The following EPB41L4A variants were observed in gnomAD, a reference collection of about 807,000 sequenced individuals.
The protein encoded by EPB41L4A is band 4.1-like protein 4A.
A neutral mutation model predicts 108.6 loss-of-function variants in EPB41L4A; 100 were observed. That is an observed-to-expected ratio of 0.92 (90% CI 0.78 to 1.09). The LOEUF is 1.09. Ranked by LOEUF, EPB41L4A falls within the 50% of genes least tolerant of loss-of-function variation. EPB41L4A has a pLI of 0.00. For synonymous variants in EPB41L4A, 319 were observed against 289.0 expected (o/e 1.10, Z -1.05); for missense variants, 1,030 against 842.7 (o/e 1.22, Z -2.75).
intron 1 of EPB41L4A, among the ~76,000 whole-genome samples, chr5:112,417,069 T>C (rs927898388): frequency 6.6e-6 from 1 of 152,232 alleles, no homozygotes; most frequent in African/African-American, 2.4e-5. Flanking sequence ...ACAGCCTGCT[T>C]AAATTATTGT....
intron 1 of EPB41L4A, among the ~76,000 whole-genome samples, chr5:112,351,543 G>A (rs1005924024): frequency 1.3e-5 from 2 of 152,144 alleles, no homozygotes; most frequent in African/African-American, 4.8e-5. Flanking sequence ...AGCTTATGAA[G>A]AACAACTAAC....
intron 1 of EPB41L4A, among the ~76,000 whole-genome samples, chr5:112,332,922 C>T (rs1156836331): frequency 6.6e-6 from 1 of 152,078 alleles, no homozygotes; most frequent in Non-Finnish European, 1.5e-5. Flanking sequence ...ACATTAGTGC[C>T]CAAGGTTTGC....
chr5:112,175,029 C>G (rs1417163322), intron 18 of EPB41L4A, among the ~76,000 whole-genome samples: 1 of 152,178 alleles, frequency 6.6e-6, no homozygotes, highest in African/African-American at 2.4e-5. Context: ...TCAGGAGGCA[C>G]TTCCGGGTTG....
chr5:112,400,372 A>G (rs544153355), intron 1 of EPB41L4A, among the ~76,000 whole-genome samples: 4 of 152,254 alleles, frequency 2.6e-5, no homozygotes, highest in African/African-American at 7.2e-5. Context: ...GAGCCAAACC[A>G]TATCACTGGG....
At chr5:112,212,224 G>A (rs1200380480) in intron 12 of EPB41L4A, among the ~76,000 whole-genome samples, 1 of 152,006 alleles carries the variant, frequency 6.6e-6, no homozygotes, top group Admixed American at 6.6e-5. Context: ...TACACGTCTG[G>A]GGCAGTGGCA....
intron 12 of EPB41L4A, among the ~76,000 whole-genome samples, chr5:112,232,984 A>G (rs1057040025): frequency 2.0e-5 from 3 of 152,220 alleles, no homozygotes; most frequent in African/African-American, 4.8e-5. Context: ...AGCAATGAGC[A>G]CTGAACATGG....
intron 12 of EPB41L4A, among the ~76,000 whole-genome samples, chr5:112,225,613 A>C (rs2150345780): frequency 6.6e-6 from 1 of 152,280 alleles, no homozygotes; most frequent in African/African-American, 2.4e-5. Flanking sequence ...AACGCTTCCC[A>C]AAGGCCACTA....
chr5:112,342,648 G>A (rs1286754987), intron 1 of EPB41L4A, among the ~76,000 whole-genome samples: 1 of 152,156 alleles, frequency 6.6e-6, no homozygotes, highest in African/African-American at 2.4e-5. Context: ...CCAGCAGCAG[G>A]AGCAACTGCC....
At chr5:112,143,778 T>G in exon 14 of EPB41L4A, 1 of 421,886 alleles carries the variant, frequency 2.4e-6, no homozygotes, top group South Asian at 1.7e-5. Flanking sequence ...TTGAGTCACG[T>G]GTTAATACCT....
At chr5:112,246,241 A>C in intron 9 of EPB41L4A, among the ~76,000 whole-genome samples, 1 of 152,096 alleles carries the variant, frequency 6.6e-6, no homozygotes, top group South Asian at 2.1e-4. Flanking sequence ...TGTCTTGGTC[A>C]ATGATGGATC....
intron 9 of EPB41L4A, among the ~76,000 whole-genome samples, chr5:112,251,119 C>A (rs927102246): frequency 2.0e-5 from 3 of 152,234 alleles, no homozygotes; most frequent in Admixed American, 2.0e-4. Flanking sequence ...AACAGCCACA[C>A]TTAAGAATAG....
intron 1 of EPB41L4A, among the ~76,000 whole-genome samples, chr5:112,390,951 C>A (rs1452194866): frequency 6.6e-6 from 1 of 152,192 alleles, no homozygotes; most frequent in African/African-American, 2.4e-5. Context: ...GGACCTCCAG[C>A]AAACTCCAAC....
intron 1 of EPB41L4A, among the ~76,000 whole-genome samples, chr5:112,415,114 A>C (rs1762634360): frequency 6.6e-6 from 1 of 152,198 alleles, no homozygotes; most frequent in African/African-American, 2.4e-5. Flanking sequence ...AAATTGAATG[A>C]AAATTGTAAT....
At chr5:112,321,975 T>C (rs953445845) in intron 1 of EPB41L4A, among the ~76,000 whole-genome samples, 1 of 152,210 alleles carries the variant, frequency 6.6e-6, no homozygotes, top group Non-Finnish European at 1.5e-5. Context: ...GGAGGCTTCA[T>C]TAACATTTTT....
At chr5:112,396,986 G>A (rs976271677) in intron 1 of EPB41L4A, among the ~76,000 whole-genome samples, 2 of 151,990 alleles carry the variant, frequency 1.3e-5, no homozygotes, top group Non-Finnish European at 2.9e-5. Flanking sequence ...TTTGATTCAT[G>A]GGTATATTGC....
At chr5:112,341,189 T>C (rs1757293331) in intron 1 of EPB41L4A, among the ~76,000 whole-genome samples, 1 of 152,212 alleles carries the variant, frequency 6.6e-6, no homozygotes, top group African/African-American at 2.4e-5. Flanking sequence ...TTTCAGTTCA[T>C]TGCTCTGTCC....
intron 12 of EPB41L4A, among the ~76,000 whole-genome samples, chr5:112,156,506 T>G (rs77691041): frequency 5.3e-5 from 8 of 152,172 alleles, no homozygotes; most frequent in Non-Finnish European, 8.8e-5. Flanking sequence ...CCGTTTTTTG[T>G]TCTATTGAGG....
intron 18 of EPB41L4A, among the ~76,000 whole-genome samples, chr5:112,178,618 T>C (rs1760992139): frequency 6.6e-6 from 1 of 151,742 alleles, no homozygotes; most frequent in Non-Finnish European, 1.5e-5. Context: ...ATTAGAATAA[T>C]AATAATATTT....
At chr5:112,392,401 C>CAAAAAAAAAAAAAAAA (rs56256606) in intron 1 of EPB41L4A, among the ~76,000 whole-genome samples, 6 of 35,910 alleles carry the variant, frequency 1.7e-4, no homozygotes, top group Admixed American at 4.0e-4. Context: ...AAATGGAAAG[C>CAAAAAAAAAAAAAAAA]AAAAAAAAAA....
Sources: gnomAD v4.1 joint callset for allele counts (sites outside exome capture counted in the v4.1 genomes callset) on GRCh38, gnomAD v4.1.1 for gene constraint, MANE v1.5 for transcripts, NCBI Gene and HGNC (gene_info 2026-07-23, HGNC 2026-07-21) for gene names.